CFAP144: variants seen among roughly 807,000 people sequenced by gnomAD.
CFAP144 encodes the protein cilia and flagella associated protein 144.
chr1:43,143,054 C>A, the CFAP144 span, among the ~76,000 whole-genome samples: 1 of 151,810 alleles, frequency 6.6e-6, no homozygotes, highest in Non-Finnish European at 1.5e-5. Flanking sequence ...TATTTGCCAC[C>A]CAGCTAATAA....
chr1:43,153,272 G>A, the CFAP144 span, among the ~76,000 whole-genome samples: 3 of 152,136 alleles, frequency 2.0e-5, no homozygotes, highest in Non-Finnish European at 4.4e-5. Context: ...GTGGTCTTGG[G>A]TGTACCACTC....
chr1:43,148,221 A>C, the CFAP144 span: 1 of 894,832 alleles, frequency 1.1e-6, no homozygotes, highest in Non-Finnish European at 1.7e-6. Flanking sequence ...CCTAGATTTC[A>C]GGAACCATGA....
chr1:43,156,027 C>G, the CFAP144 span, among the ~76,000 whole-genome samples: 1 of 152,142 alleles, frequency 6.6e-6, no homozygotes, highest in Admixed American at 6.5e-5. Context: ...CACGACTGTG[C>G]GTAGGTTATT....
chr1:43,146,413 G>A, the CFAP144 span, among the ~76,000 whole-genome samples: 4 of 152,070 alleles, frequency 2.6e-5, no homozygotes, highest in African/African-American at 9.7e-5. Context: ...GAACAGCACT[G>A]CTCTAAAAAG....
chr1:43,143,432 G>T, the CFAP144 span, among the ~76,000 whole-genome samples: 1 of 152,108 alleles, frequency 6.6e-6, no homozygotes, highest in Non-Finnish European at 1.5e-5. Flanking sequence ...AAGGGTGTTG[G>T]GTCAAGAAAG....
At chr1:43,150,919 G>C in the CFAP144 span, 1 of 969,178 alleles carries the variant, frequency 1.0e-6, no homozygotes, top group Non-Finnish European at 1.6e-6. Context: ...GCAAGCATCA[G>C]AGTCCTCTGC....
the CFAP144 span, among the ~76,000 whole-genome samples, chr1:43,155,425 G>C: frequency 6.6e-6 from 1 of 152,296 alleles, no homozygotes; most frequent in Non-Finnish European, 1.5e-5. Flanking sequence ...TCAGACCTTC[G>C]TAGGCTCTGC....
chr1:43,144,822 A>G, the CFAP144 span, among the ~76,000 whole-genome samples: 1 of 150,918 alleles, frequency 6.6e-6, no homozygotes, highest in Non-Finnish European at 1.5e-5. Flanking sequence ...TCTAGCTCCC[A>G]CTCCCAATCG....
chr1:43,145,534 C>A, the CFAP144 span, among the ~76,000 whole-genome samples: 1 of 152,186 alleles, frequency 6.6e-6, no homozygotes, highest in Admixed American at 6.5e-5. Context: ...CTCATCAAAG[C>A]TCTGAGGGTG....
At chr1:43,147,422 G>T in the CFAP144 span, among the ~76,000 whole-genome samples, 1 of 152,172 alleles carries the variant, frequency 6.6e-6, no homozygotes, top group Non-Finnish European at 1.5e-5. Context: ...CCTTAATTAG[G>T]AAAGGTTTAT....
At chr1:43,150,435 C>T in the CFAP144 span, among the ~76,000 whole-genome samples, 3 of 152,210 alleles carry the variant, frequency 2.0e-5, no homozygotes, top group South Asian at 6.2e-4. Flanking sequence ...AAAACTGTAG[C>T]CATTAACCGC....
chr1:43,155,985 G>A, the CFAP144 span, among the ~76,000 whole-genome samples: 14 of 152,312 alleles, frequency 9.2e-5, no homozygotes, highest in East Asian at 7.7e-4. Flanking sequence ...GGATACTGTG[G>A]CCTCCCAGTC....
the CFAP144 span, among the ~76,000 whole-genome samples, chr1:43,150,497 T>C: frequency 6.6e-6 from 1 of 152,206 alleles, no homozygotes; most frequent in Non-Finnish European, 1.5e-5. Context: ...GGAACTGAAG[T>C]GTTCATTGTA....
chr1:43,145,093 C>T, the CFAP144 span: 4 of 645,232 alleles, frequency 6.2e-6, no homozygotes, highest in Non-Finnish European at 1.1e-5. Context: ...GGGCAATCCT[C>T]TTCAGATGCC....
the CFAP144 span, among the ~76,000 whole-genome samples, chr1:43,149,208 A>G: frequency 6.6e-6 from 1 of 152,144 alleles, no homozygotes. Context: ...GTTTAAATCA[A>G]TCACGACATA....
chr1:43,143,076 C>T, the CFAP144 span, among the ~76,000 whole-genome samples: 2 of 151,946 alleles, frequency 1.3e-5, no homozygotes, highest in Non-Finnish European at 2.9e-5. Flanking sequence ...TATAGTACAC[C>T]ATAGGTAGTT....
At chr1:43,148,225 A>G in the CFAP144 span, 1 of 871,948 alleles carries the variant, frequency 1.1e-6, no homozygotes, top group South Asian at 1.8e-5. Context: ...GATTTCAGGA[A>G]CCATGACTTT....
chr1:43,145,201 G>A, the CFAP144 span: 5 of 1,472,810 alleles, frequency 3.4e-6, no homozygotes, highest in Admixed American at 7.9e-5. Context: ...CTTCTCCACG[G>A]AACTTGGTCT....
the CFAP144 span, chr1:43,153,035 G>T: frequency 4.5e-4 from 638 of 1,420,494 alleles, 4 homozygotes; most frequent in African/African-American, 8.3e-3. Context: ...GCTTGAACCT[G>T]GCTACCTCTT....
Sources: gnomAD v4.1 joint callset for allele counts (sites outside exome capture counted in the v4.1 genomes callset) on GRCh38, gnomAD v4.1.1 for gene constraint, MANE v1.5 for transcripts, NCBI Gene and HGNC (gene_info 2026-07-23, HGNC 2026-07-21) for gene names.